SFR1: variants seen among roughly 807,000 people sequenced by gnomAD.
The protein encoded by SFR1 is SWI5 dependent homologous recombination repair protein 1, also known as swi5-dependent recombination DNA repair protein 1 homolog.
A neutral mutation model predicts 26.2 loss-of-function variants in SFR1; 24 were observed. The ratio of observed to expected loss-of-function variants is 0.92; its 90% CI spans 0.66 to 1.29. The LOEUF (loss-of-function observed/expected upper bound fraction) is 1.29, where lower values mean the gene tolerates loss of function less well. Ranked by LOEUF, SFR1 falls within the 50% of genes most tolerant of loss-of-function variation. The pLI, the probability that SFR1 is intolerant of heterozygous loss-of-function variation, is 0.00. For missense variants in SFR1, 276 were observed against 270.2 expected (o/e 1.02, Z -0.15); for synonymous variants, 77 against 96.6 (o/e 0.80, Z 1.19).
At chr10:104,121,488 C>A (rs1017310845), upstream of SFR1, among the ~76,000 whole-genome samples, 2 of 152,182 alleles carry the variant, frequency 1.3e-5, no homozygotes, top group African/African-American at 4.8e-5. Flanking sequence ...CAACGCTGTT[C>A]TTTTGTGGTC....
chr10:104,122,177 G>C lies in SFR1; in HGVS notation c.-7G>C. Reference sequence around the variant, plus strand: ...CAGGTGCGCGCGCTTTTTTGCTCTCGCTGGGAATGGCGGAGGGAGGTACCC... The same window carrying C: ...CAGGTGCGCGCGCTTTTTTGCTCTCCCTGGGAATGGCGGAGGGAGGTACCC... On this transcript the variant is annotated 5_prime_UTR_variant, in exon 1 of 4. Transcript: ENST00000369727. 6.5e-7 allele frequency: 1 copy of C among 1,548,868 alleles called. No individual in the cohort carries two copies. Among genetic ancestry groups the C allele is most frequent in the Non-Finnish European group, 8.7e-7 (1 of 1,146,210 alleles).
At chr10:104,124,230 C>A in intron 3 of SFR1, 106 bp downstream of exon 3, 1 of 1,029,406 alleles carries the variant, frequency 9.7e-7, no homozygotes, top group Non-Finnish European at 1.3e-6. Flanking sequence ...AGCAATAAGC[C>A]AAATATTCAG....
upstream of SFR1, among the ~76,000 whole-genome samples, chr10:104,120,343 A>C (rs543247858): frequency 6.3e-4 from 96 of 152,358 alleles, 1 homozygote; most frequent in African/African-American, 2.2e-3. Flanking sequence ...TTATCACAAA[A>C]TCATGAGTTC....
upstream of SFR1, chr10:104,122,113 G>C: frequency 6.5e-7 from 1 of 1,531,444 alleles, no homozygotes; most frequent in Non-Finnish European, 8.8e-7. Flanking sequence ...TCCGCCTACC[G>C]CACGGCCCCG....
At chr10:104,123,109 A>G (rs1320620809) in intron 2 of SFR1, 23 bp downstream of exon 2, 16 of 1,527,618 alleles carry the variant, frequency 1.0e-5, no homozygotes, top group African/African-American at 1.4e-5. Flanking sequence ...TTGTTCTTCC[A>G]GTGGATCCAT....
chr10:104,124,123 A>T lies in SFR1; in HGVS notation c.545A>T (p.Lys182Met). ...AAACTAGTCAAAATGTATAGATCAA[A>T]GGTGAGAAGAATTTCAGGACCATTG... is the stretch of plus-strand genomic sequence containing the variant. ...RLKLVKMYRSKNDLSQLQLLI... is the reference protein window; with the variant it reads ...RLKLVKMYRSMNDLSQLQLLI... Residue 182 changes from lysine to methionine, a missense_variant and splice_region_variant, in exon 3 of 4, where the codon AAG becomes ATG. Lys to Met is a moderately conservative substitution (Grantham distance 95). Coordinates refer to ENST00000369727, the MANE Select transcript of SFR1 (RefSeq NM_001002759.2). The T allele has an allele frequency of 6.5e-7, 1 of 1,543,926 alleles. No individual in the cohort carries two copies. Among genetic ancestry groups the T allele is most frequent in the Non-Finnish European group, 8.7e-7 (1 of 1,148,314 alleles).
chr10:104,122,723 A>G (rs1307658465), intron 1 of SFR1: 5 of 1,406,924 alleles, frequency 3.6e-6, no homozygotes, highest in East Asian at 2.7e-5. Flanking sequence ...AACGAAAACA[A>G]GGAGAGTCTT....
chr10:104,122,785 CT>C, intron 1 of SFR1, 179 bp from the exon 2 acceptor site: 6 of 1,515,738 alleles, frequency 4.0e-6, no homozygotes, highest in Non-Finnish European at 4.4e-6. Flanking sequence ...TTAGTGGTCC[CT>C]ATGTGGGAAG....
Position 104,123,983 on chromosome 10 carries a change from C to G in SFR1, c.405C>G (p.Cys135Trp), listed in dbSNP as rs756233629. The G allele has an allele frequency of 3.1e-6, 5 of 1,614,002 alleles. No individual in the cohort carries two copies. In the South Asian group the frequency reaches 5.5e-5, roughly 18 times the overall value. Residue 135 changes from cysteine to tryptophan, a missense_variant, in exon 3 of 4, where the codon TGC (cysteine) becomes TGG (tryptophan). Physicochemically the swap from Cys to Trp is radical, Grantham distance 215. Coordinates refer to ENST00000369727, the MANE Select transcript of SFR1 (RefSeq NM_001002759.2). The part of the protein sequence containing the change: ...CESQSLDSGS[C>W]SALQNEFVSE... ...CTCAGTCACTTGATTCTGGATCATG[C>G]AGTGCTCTCCAAAATGAGTTTGTGA...
At chr10:104,123,429 G>GTAC (rs1589592692) in intron 2 of SFR1, 2 of 373,608 alleles carry the variant, frequency 5.4e-6, no homozygotes, top group Non-Finnish European at 4.8e-6. Flanking sequence ...AGCACCTGGA[G>GTAC]TACTATCAGG....
chr10:104,122,071 G>T (rs1348500217), upstream of SFR1: 3 of 1,291,718 alleles, frequency 2.3e-6, no homozygotes, highest in Admixed American at 4.0e-5. Context: ...GGCGCCTCGC[G>T]CGTCAGGCAA....
At position 104,125,670 on chromosome 10, in the gene SFR1, A is replaced by G. The variant is rs777725918; in HGVS notation, c.704A>G (p.Tyr235Cys). The G allele has an allele frequency of 7.5e-6, 12 of 1,603,792 alleles. No individual in the cohort carries two copies. The highest frequency in any genetic ancestry group is 5.2e-5 in the Admixed American group (3 of 57,792). The change falls in exon 4 of 4, where the codon TAT becomes TGT. Residue 235 changes from tyrosine to cysteine, a missense_variant. Physicochemically the swap from Tyr to Cys is radical, Grantham distance 194 (BLOSUM62 -2). Transcript: ENST00000369727. Reference protein sequence around the residue: ...HYGLDDKLLHYNRSEEEFIDV With the variant: ...HYGLDDKLLHCNRSEEEFIDV Reference sequence around the variant, plus strand: ...GGGTTAGATGATAAATTACTACACTATAACAGAAGTGAAGAAGAATTTATA... The same window carrying G: ...GGGTTAGATGATAAATTACTACACTGTAACAGAAGTGAAGAAGAATTTATA...
rs2086996418 is a variant in SFR1 at position 104,123,884 on chromosome 10, T to C, written c.306T>C (p.Phe102=). The C allele has an allele frequency of 6.2e-7, 1 of 1,613,172 alleles. No individual in the cohort carries two copies. The highest frequency in any genetic ancestry group is 8.5e-7 in the Non-Finnish European group (1 of 1,179,828). The part of the protein sequence containing the change: ...EENCLEFQES[F]KHIDSEFEEN... ...ACTGTTTGGAATTTCAAGAAAGTTTTAAACATATAGACAGTGAATTTGAAG... is the reference window on the plus strand; with the variant it reads ...ACTGTTTGGAATTTCAAGAAAGTTTCAAACATATAGACAGTGAATTTGAAG... Residue 102 remains phenylalanine, a synonymous_variant, in exon 3 of 4, where the codon TTT becomes TTC. Transcript: ENST00000369727.
intron 1 of SFR1, 105 bp from the exon 2 acceptor site, chr10:104,122,860 G>A (rs762393253): frequency 1.3e-6 from 2 of 1,555,826 alleles, no homozygotes; most frequent in South Asian, 1.1e-5. Flanking sequence ...GAAATATCTG[G>A]CTTACTTGTG....
chr10:104,121,531 C>G (rs1478405776), upstream of SFR1, among the ~76,000 whole-genome samples: 2 of 152,304 alleles, frequency 1.3e-5, no homozygotes, highest in African/African-American at 2.4e-5. Context: ...AGGCTGGAAC[C>G]CAACCAACGC....
At chr10:104,122,304 C>G in intron 1 of SFR1, 108 bp downstream of exon 1, 1 of 1,422,192 alleles carries the variant, frequency 7.0e-7, no homozygotes, top group African/African-American at 1.5e-5. Context: ...TCAACCTCAC[C>G]TTATGCCTGG....
upstream of SFR1, among the ~76,000 whole-genome samples, chr10:104,121,134 A>T (rs2086956891): frequency 6.6e-6 from 1 of 151,818 alleles, no homozygotes; most frequent in Admixed American, 6.6e-5. Context: ...TCGACTGAGG[A>T]TGCTGCTGCC....
At chr10:104,124,502 CTT>C (rs2087004497) in intron 3 of SFR1, among the ~76,000 whole-genome samples, 1 of 151,060 alleles carries the variant, frequency 6.6e-6, no homozygotes, top group Non-Finnish European at 1.5e-5. Context: ...TAGTAATGAT[CTT>C]GTGTCTCCCC....
chr10:104,123,077 C>T lies in SFR1; in HGVS notation c.126C>T (p.Ser42=). 6.4e-7 allele frequency: 1 copy of T among 1,563,182 alleles called. No homozygotes were observed. The highest frequency in any genetic ancestry group is 1.2e-5 in the South Asian group (1 of 83,260). The stretch of plus-strand genomic sequence containing the variant: ...CATCATCTCCCTATACAAATAGTTC[C>T]CGAAAACAAGTATGAAAATCTTTGT... ...ANPSSPYTNS[S]RKQPMSATLR... The change falls in exon 2 of 4, where the codon TCC becomes TCT. Residue 42 remains serine, a synonymous_variant. Coordinates refer to ENST00000369727, the MANE Select transcript of SFR1 (RefSeq NM_001002759.2).
Sources: allele counts gnomAD v4.1 joint callset (sites outside exome capture counted in the v4.1 genomes callset), GRCh38; gene constraint gnomAD v4.1.1; transcripts MANE v1.5; gene names NCBI Gene and HGNC (gene_info 2026-07-23, HGNC 2026-07-21).